The following GABRG3 variants were observed in gnomAD, a reference collection of about 807,000 sequenced individuals.
The protein encoded by GABRG3 is gamma-aminobutyric acid receptor subunit gamma-3.
In GABRG3, 25 loss-of-function variants were observed where a neutral mutation model predicts 48.8. The ratio of observed to expected loss-of-function variants is 0.51; its 90% CI spans 0.37 to 0.72. GABRG3 has a LOEUF of 0.72. GABRG3 is among the 30% of genes least tolerant of loss of function. The pLI, the probability that GABRG3 is intolerant of heterozygous loss-of-function variation, is 0.00. For missense variants in GABRG3, 394 were observed against 577.9 expected (o/e 0.68, Z 3.26); for synonymous variants, 227 against 217.6 (o/e 1.04, Z -0.38).
At chr15:27,453,709 C>T (rs1487422242) in intron 5 of GABRG3, among the ~76,000 whole-genome samples, 1 of 152,214 alleles carries the variant, frequency 6.6e-6, no homozygotes, top group African/African-American at 2.4e-5. Flanking sequence ...TCAAGCAATT[C>T]TCCTGCTTCA....
chr15:27,185,939 G>C (rs1888078757), intron 3 of GABRG3, among the ~76,000 whole-genome samples: 1 of 150,762 alleles, frequency 6.6e-6, no homozygotes, highest in Non-Finnish European at 1.5e-5. Context: ...TGTTGAATTT[G>C]ATGTGAATTT....
At chr15:27,128,401 C>T (rs1897858302) in intron 3 of GABRG3, among the ~76,000 whole-genome samples, 1 of 152,090 alleles carries the variant, frequency 6.6e-6, no homozygotes, top group African/African-American at 2.4e-5. Context: ...ATCTCAGGTA[C>T]CGGAATTATT....
At chr15:27,460,741 C>T (rs1481020400) in intron 5 of GABRG3, among the ~76,000 whole-genome samples, 5 of 152,042 alleles carry the variant, frequency 3.3e-5, no homozygotes, top group African/African-American at 4.8e-5. Flanking sequence ...AGATCTGGCC[C>T]GAGGACATGA....
At chr15:27,120,307 G>C (rs1379144966) in intron 3 of GABRG3, among the ~76,000 whole-genome samples, 1 of 152,162 alleles carries the variant, frequency 6.6e-6, no homozygotes, top group African/African-American at 2.4e-5. Flanking sequence ...ATTGTATGTT[G>C]CTGTTGTTTA....
At chr15:27,464,080 GACTGCTTTAT>G (rs769984372) in intron 5 of GABRG3, among the ~76,000 whole-genome samples, 6 of 152,084 alleles carry the variant, frequency 3.9e-5, no homozygotes, top group Non-Finnish European at 5.9e-5. Flanking sequence ...TTTTTTAAAT[GACTGCTTTAT>G]TGAGATATAT....
chr15:27,096,838 C>CTTTTTTT (rs34613626), intron 3 of GABRG3, among the ~76,000 whole-genome samples: 1 of 126,152 alleles, frequency 7.9e-6, no homozygotes, highest in Non-Finnish European at 1.6e-5. Context: ...TTCTTTCTAT[C>CTTTTTTT]TTTTTTTTTT....
chr15:27,505,661 G>A (rs1890742996), intron 6 of GABRG3, among the ~76,000 whole-genome samples: 1 of 152,076 alleles, frequency 6.6e-6, no homozygotes, highest in Non-Finnish European at 1.5e-5. Context: ...TGTTTAGTTA[G>A]ATTCAATTTG....
chr15:27,345,614 T>C (rs913348052), intron 5 of GABRG3, among the ~76,000 whole-genome samples: 3 of 152,242 alleles, frequency 2.0e-5, no homozygotes, highest in African/African-American at 7.2e-5. Flanking sequence ...ACATTTTGTT[T>C]CCTTTATACT....
chr15:27,219,209 A>G (rs12911451), intron 3 of GABRG3, among the ~76,000 whole-genome samples: 53,494 of 151,870 alleles, frequency 0.35, 10,705 homozygotes, highest in South Asian at 0.57. Flanking sequence ...TTCTATTTCT[A>G]TTGCTCTACA....
At chr15:27,315,524 A>G (rs1223452037) in intron 3 of GABRG3, among the ~76,000 whole-genome samples, 1 of 152,218 alleles carries the variant, frequency 6.6e-6, no homozygotes, top group Non-Finnish European at 1.5e-5. Context: ...AGGAAAACGT[A>G]TTATATAGAC....
intron 5 of GABRG3, among the ~76,000 whole-genome samples, chr15:27,343,821 G>T (rs547781106): frequency 1.8e-4 from 27 of 152,212 alleles, no homozygotes; most frequent in Non-Finnish European, 3.4e-4. Flanking sequence ...GTGATTATCT[G>T]GGAATACAGC....
chr15:27,169,764 C>T (rs1887502993), intron 3 of GABRG3, among the ~76,000 whole-genome samples: 1 of 152,040 alleles, frequency 6.6e-6, no homozygotes, highest in South Asian at 2.1e-4. Context: ...CTGGGAAAAT[C>T]ATACTCAAAT....
chr15:27,278,030 G>C (rs1333141454), intron 3 of GABRG3, among the ~76,000 whole-genome samples: 1 of 151,766 alleles, frequency 6.6e-6, no homozygotes, highest in Non-Finnish European at 1.5e-5. Context: ...ACACGCATCT[G>C]TGTGTGTCTG....
chr15:27,228,311 C>T (rs531019738), intron 3 of GABRG3, among the ~76,000 whole-genome samples: 11 of 152,172 alleles, frequency 7.2e-5, no homozygotes, highest in Non-Finnish European at 1.2e-4. Context: ...TGAGAACATA[C>T]GGTATCTGGT....
intron 3 of GABRG3, among the ~76,000 whole-genome samples, chr15:27,206,388 C>A (rs1159494779): frequency 6.6e-6 from 1 of 152,056 alleles, no homozygotes; most frequent in Non-Finnish European, 1.5e-5. Context: ...GTACTTATTT[C>A]TATTTTTATT....
At chr15:27,320,593 G>A (rs535671997) in intron 3 of GABRG3, among the ~76,000 whole-genome samples, 18 of 152,204 alleles carry the variant, frequency 1.2e-4, no homozygotes, top group South Asian at 6.2e-4. Context: ...CTGCTTCCCC[G>A]TGCTGGAGGA....
intron 3 of GABRG3, among the ~76,000 whole-genome samples, chr15:27,232,859 G>A (rs1366249805): frequency 6.6e-6 from 1 of 152,218 alleles, no homozygotes; most frequent in Non-Finnish European, 1.5e-5. Context: ...GGTTAAATTT[G>A]TTCCCGTGAT....
intron 2 of GABRG3, among the ~76,000 whole-genome samples, chr15:26,978,598 T>C (rs1319988900): frequency 6.6e-6 from 1 of 152,228 alleles, no homozygotes; most frequent in Non-Finnish European, 1.5e-5. Context: ...CTTCCTTGAC[T>C]GAATTGCTTT....
chr15:27,142,927 G>T (rs538194381), intron 3 of GABRG3, among the ~76,000 whole-genome samples: 2 of 151,812 alleles, frequency 1.3e-5, no homozygotes, highest in African/African-American at 2.4e-5. Flanking sequence ...GCTAATTTTT[G>T]TAGTATTTGT....
Sources: gnomAD v4.1 joint callset for allele counts (sites outside exome capture counted in the v4.1 genomes callset) on GRCh38, gnomAD v4.1.1 for gene constraint, MANE v1.5 for transcripts, NCBI Gene and HGNC (gene_info 2026-07-23, HGNC 2026-07-21) for gene names.